The following RHOBTB1 variants were observed in gnomAD, a reference collection of about 807,000 sequenced individuals.
RHOBTB1 encodes the protein rho-related BTB domain-containing protein 1.
Under a neutral mutation model 71.6 loss-of-function variants are expected in RHOBTB1, and 40 were observed. That is an observed-to-expected ratio of 0.56 (90% CI 0.43 to 0.73). RHOBTB1 has a LOEUF of 0.73. RHOBTB1 is among the 30% of genes least tolerant of loss of function. The pLI, the probability that RHOBTB1 is intolerant of heterozygous loss-of-function variation, is 0.00. For missense variants in RHOBTB1, 797 were observed against 894.0 expected (o/e 0.89, Z 1.38); for synonymous variants, 319 against 334.9 (o/e 0.95, Z 0.52).
In RHOBTB1 at chr10:60,963,392, C is replaced by A. The variant is rs765683584; in HGVS notation, c.-61-21538G>T. Among the ~76,000 whole-genome samples, 134 of 152,286 alleles carry A rather than the reference C, an allele frequency of 8.8e-4. 1 individual carries two copies. The highest frequency in any genetic ancestry group is 3.4e-3 in the Middle Eastern group (1 of 294). On this transcript the variant is annotated intron_variant, in intron 2 of 11. Transcript: ENST00000357917. Reference sequence around the variant, plus strand: ...TAAAAGAGATCCTGAAAGATAAATTCTCAGGTATTAGAAGAGGCTTTTAGG... The same window carrying A: ...TAAAAGAGATCCTGAAAGATAAATTATCAGGTATTAGAAGAGGCTTTTAGG...
At chr10:60,927,868 G>A (rs2083982015) in intron 2 of RHOBTB1, among the ~76,000 whole-genome samples, 1 of 152,034 alleles carries the variant, frequency 6.6e-6, no homozygotes, top group African/African-American at 2.4e-5. Context: ...CACAGCAAAG[G>A]AAACGGTCAA....
At chr10:60,910,129 T>G (rs2082891804) in intron 4 of RHOBTB1, among the ~76,000 whole-genome samples, 1 of 152,118 alleles carries the variant, frequency 6.6e-6, no homozygotes. Context: ...TGAAATGTGT[T>G]CATTTATAAT....
chr10:60,992,091 A>G lies in RHOBTB1; in HGVS notation c.-162-6146T>C, dbSNP rs1406953928. Among the ~76,000 whole-genome samples, 10 of 152,150 alleles carry G rather than the reference A, an allele frequency of 6.6e-5. No homozygotes were observed. The East Asian group carries it at 1.9e-3, about 29-fold the overall frequency. On this transcript the variant is annotated intron_variant, in intron 1 of 11. Coordinates refer to the RHOBTB1 transcript ENST00000357917. ...AATTCAGTGAGAAACATGTACCCCT[A>G]GGCTGGCATTTAAAAATCCAACTCA... is the stretch of plus-strand genomic sequence containing the variant.
intron 6 of RHOBTB1, among the ~76,000 whole-genome samples, chr10:60,887,923 C>A (rs1007565250): frequency 2.0e-5 from 3 of 152,156 alleles, no homozygotes; most frequent in Admixed American, 1.3e-4. Flanking sequence ...CCCACAAGAG[C>A]ATGGGTTCAA....
At chr10:60,904,217 G>C (rs1469926438) in intron 4 of RHOBTB1, among the ~76,000 whole-genome samples, 2 of 152,102 alleles carry the variant, frequency 1.3e-5, no homozygotes, top group African/African-American at 2.4e-5. Flanking sequence ...AGAGTGCTGG[G>C]ATTATAGGCA....
chr10:60,959,865 T>A (rs2085719562), intron 2 of RHOBTB1, among the ~76,000 whole-genome samples: 2 of 152,190 alleles, frequency 1.3e-5, no homozygotes, highest in South Asian at 4.1e-4. Context: ...AACCTCAAAG[T>A]GTTTCTTTGA....
At chr10:60,872,122 A>G (rs1341466209) in intron 10 of RHOBTB1, 63 bp downstream of exon 10, 9 of 1,208,188 alleles carry the variant, frequency 7.4e-6, no homozygotes, top group Non-Finnish European at 1.1e-5. Context: ...AGGGACATAG[A>G]AGATAAAAGC....
chr10:60,896,253 A>G (rs2082154963), intron 4 of RHOBTB1, among the ~76,000 whole-genome samples: 1 of 152,248 alleles, frequency 6.6e-6, no homozygotes, highest in Admixed American at 6.5e-5. Context: ...AAAAAGAAAC[A>G]GGCAAGTTCT....
At chr10:60,924,483 G>C (rs986981959) in intron 2 of RHOBTB1, among the ~76,000 whole-genome samples, 4 of 152,098 alleles carry the variant, frequency 2.6e-5, no homozygotes, top group African/African-American at 9.7e-5. Flanking sequence ...CGAGCATCCA[G>C]ATATATAAGG....
intron 1 of RHOBTB1, among the ~76,000 whole-genome samples, 154 bp downstream of exon 1, chr10:60,943,817 G>A (rs370725833): frequency 1.3e-5 from 2 of 152,140 alleles, no homozygotes; most frequent in African/African-American, 4.8e-5. Flanking sequence ...CCCCCTAGCG[G>A]CTCGGTCCCA....
At chr10:60,972,681 T>C (rs997273989) in intron 2 of RHOBTB1, among the ~76,000 whole-genome samples, 1 of 151,928 alleles carries the variant, frequency 6.6e-6, no homozygotes, top group Admixed American at 6.6e-5. Flanking sequence ...ACTTAAAGTA[T>C]AATAAAAAAA....
At chr10:60,984,954 C>T (rs1385804258) in intron 2 of RHOBTB1, among the ~76,000 whole-genome samples, 1 of 152,058 alleles carries the variant, frequency 6.6e-6, no homozygotes, top group Non-Finnish European at 1.5e-5. Flanking sequence ...TAACAGGTCT[C>T]CTTAAGGACT....
intron 2 of RHOBTB1, among the ~76,000 whole-genome samples, chr10:60,968,774 T>C (rs1029581717): frequency 6.6e-6 from 1 of 152,164 alleles, no homozygotes; most frequent in Non-Finnish European, 1.5e-5. Context: ...AGTTACTAGG[T>C]TAACCAATGG....
intron 2 of RHOBTB1, among the ~76,000 whole-genome samples, chr10:60,915,205 CT>C: frequency 6.6e-6 from 1 of 152,122 alleles, no homozygotes; most frequent in East Asian, 1.9e-4. Context: ...CAATTTTATC[CT>C]TCTCCGCTTG....
chr10:60,913,334 C>A (rs867132870), intron 2 of RHOBTB1, among the ~76,000 whole-genome samples: 1 of 152,142 alleles, frequency 6.6e-6, no homozygotes, highest in African/African-American at 2.4e-5. Context: ...AATTCCTACA[C>A]TGTGGAGAGG....
At chr10:60,957,660 TG>T (rs1485945234) in intron 2 of RHOBTB1, among the ~76,000 whole-genome samples, 1 of 151,840 alleles carries the variant, frequency 6.6e-6, no homozygotes, top group Non-Finnish European at 1.5e-5. Flanking sequence ...GAGTAAGTAG[TG>T]GTAAAAGAAA....
At chr10:60,867,443 T>A (rs1330003806), downstream of RHOBTB1, among the ~76,000 whole-genome samples, 1 of 152,162 alleles carries the variant, frequency 6.6e-6, no homozygotes, top group Non-Finnish European at 1.5e-5. Flanking sequence ...CACATTTAGG[T>A]AGCACCCATT....
At chr10:60,940,199 T>C (rs1182604090) in intron 2 of RHOBTB1, among the ~76,000 whole-genome samples, 2 of 152,216 alleles carry the variant, frequency 1.3e-5, no homozygotes, top group Non-Finnish European at 2.9e-5. Flanking sequence ...ATTTTAGAGC[T>C]ATTAGCTTGA....
chr10:60,900,508 T>C (rs2082365482), intron 4 of RHOBTB1, among the ~76,000 whole-genome samples: 1 of 152,238 alleles, frequency 6.6e-6, no homozygotes, highest in Non-Finnish European at 1.5e-5. Flanking sequence ...TGAATTGTAA[T>C]GGTTTATGTA....
Sources: allele counts gnomAD v4.1 joint callset (sites outside exome capture counted in the v4.1 genomes callset), GRCh38; gene constraint gnomAD v4.1.1; transcripts MANE v1.5; gene names NCBI Gene and HGNC (gene_info 2026-07-23, HGNC 2026-07-21).